Variants in EPHA5 observed in about 807,000 individuals in gnomAD.
EPHA5 encodes the protein EPH receptor A5.
Under a neutral mutation model 105.0 loss-of-function variants are expected in EPHA5, and 60 were observed. The ratio of observed to expected loss-of-function variants is 0.57; its 90% CI spans 0.46 to 0.71. The LOEUF is 0.71. Among genes scored for constraint, EPHA5 ranks in the 30% least tolerant of loss-of-function variants. EPHA5 has a pLI of 0.00. For synonymous variants in EPHA5, 513 were observed against 449.1 expected, an observed-to-expected ratio of 1.14 and a Z score of -1.80; for missense variants, 1,218 against 1,274.7, an observed-to-expected ratio of 0.96 and a Z score of 0.68.
intron 5 of EPHA5, among the ~76,000 whole-genome samples, chr4:65,485,302 AC>A (rs1328135896): frequency 6.6e-6 from 1 of 151,876 alleles, no homozygotes; most frequent in Non-Finnish European, 1.5e-5. Flanking sequence ...CTATTTCTTT[AC>A]ATTATGTAAC....
chr4:65,554,321 T>A (rs1738198330), intron 3 of EPHA5, among the ~76,000 whole-genome samples: 2 of 150,370 alleles, frequency 1.3e-5, no homozygotes, highest in African/African-American at 4.9e-5. Flanking sequence ...ATTAATTACA[T>A]GGGGCTTTAT....
chr4:65,497,709 C>A (rs1230813219), intron 3 of EPHA5, among the ~76,000 whole-genome samples: 1 of 151,944 alleles, frequency 6.6e-6, no homozygotes, highest in East Asian at 1.9e-4. Context: ...TTAATGAATG[C>A]CTCTTAACTT....
At chr4:65,508,823 T>TA (rs925227727) in intron 3 of EPHA5, among the ~76,000 whole-genome samples, 17 of 151,886 alleles carry the variant, frequency 1.1e-4, no homozygotes, top group Admixed American at 2.6e-4. Flanking sequence ...AAAGAAGTGT[T>TA]AAAAAAAACT....
chr4:65,658,381 A>T (rs1749253708), intron 1 of EPHA5, among the ~76,000 whole-genome samples: 1 of 152,040 alleles, frequency 6.6e-6, no homozygotes, highest in Admixed American at 6.6e-5. Context: ...CTGGAGGACT[A>T]TTGAAAGGTT....
chr4:65,428,854 G>T (rs528343793), intron 5 of EPHA5, among the ~76,000 whole-genome samples: 1 of 152,004 alleles, frequency 6.6e-6, no homozygotes, highest in African/African-American at 2.4e-5. Context: ...AACTTGAAAA[G>T]AAAATGACAA....
At chr4:65,574,275 C>A (rs963787040) in intron 3 of EPHA5, 1 of 1,586,276 alleles carries the variant, frequency 6.3e-7, no homozygotes. Flanking sequence ...GGGCTAGTTG[C>A]GATCTGTGTT....
rs948907656 is a variant in EPHA5 at position 65,343,460 on chromosome 4, C to G, written c.2595+4594G>C. On this transcript the variant is annotated intron_variant, in intron 14 of 16. Transcript: ENST00000613740. ...TAGATTATCCTGCATGCCTTGGTAA[C>G]GTAACATTTTCATGGTGGCAAAGCC... is the stretch of plus-strand genomic sequence containing the variant. Among the ~76,000 whole-genome samples, 2 of 152,208 alleles carry G rather than the reference C, an allele frequency of 1.3e-5. 1 individual carries two copies. Among genetic ancestry groups the G allele is most frequent in the Middle Eastern group, 6.8e-3 (2 of 294 alleles).
chr4:65,568,747 G>T (rs982456424), intron 3 of EPHA5, among the ~76,000 whole-genome samples: 1 of 150,756 alleles, frequency 6.6e-6, no homozygotes, highest in African/African-American at 2.4e-5. Flanking sequence ...AACCATAACT[G>T]ATAAAGTGAC....
Position 65,437,333 on chromosome 4 carries a change from T to C in EPHA5, c.1403-16768A>G, listed in dbSNP as rs536355388. Among the ~76,000 whole-genome samples, 20 of 152,092 alleles carry C rather than the reference T, an allele frequency of 1.3e-4. No homozygotes were observed. In the South Asian group the frequency reaches 3.9e-3, roughly 30 times the overall value. ...ATTTCTTATTGTACTTAGTGGCTAT[T>C]GTTCTTGCAAGTGCTGGGAAAACTT... On this transcript the variant is annotated intron_variant, in intron 5 of 16. Transcript: ENST00000613740.
intron 8 of EPHA5, among the ~76,000 whole-genome samples, chr4:65,383,990 T>G (rs529434804): frequency 1.3e-4 from 20 of 152,028 alleles, no homozygotes; most frequent in African/African-American, 4.8e-4. Flanking sequence ...ATGTGTATGA[T>G]GTGCATGTAA....
intron 14 of EPHA5, among the ~76,000 whole-genome samples, chr4:65,337,540 A>AC: frequency 6.6e-6 from 1 of 152,262 alleles, no homozygotes; most frequent in South Asian, 2.1e-4. Context: ...AAAGAAGATT[A>AC]AACGGTACTT....
chr4:65,600,253 G>A (rs1030280212), intron 3 of EPHA5, among the ~76,000 whole-genome samples: 1 of 152,006 alleles, frequency 6.6e-6, no homozygotes, highest in Non-Finnish European at 1.5e-5. Context: ...TTTAATTCCA[G>A]TCCTGAAGAA....
chr4:65,439,929 G>C (rs1725853830), intron 5 of EPHA5, among the ~76,000 whole-genome samples: 1 of 152,054 alleles, frequency 6.6e-6, no homozygotes, highest in Non-Finnish European at 1.5e-5. Context: ...TGTCATGTTT[G>C]TAGCTATCAT....
intron 2 of EPHA5, among the ~76,000 whole-genome samples, chr4:65,640,120 C>A (rs983825382): frequency 1.3e-5 from 2 of 152,154 alleles, no homozygotes; most frequent in Admixed American, 6.5e-5. Flanking sequence ...GCAAACCTGG[C>A]ATATTAAATA....
At chr4:65,429,547 C>G (rs1342509889) in intron 5 of EPHA5, among the ~76,000 whole-genome samples, 1 of 151,948 alleles carries the variant, frequency 6.6e-6, no homozygotes, top group African/African-American at 2.4e-5. Flanking sequence ...CCAATCTGAT[C>G]AAGCATTTTT....
At chr4:65,558,478 G>C (rs1469952194) in intron 3 of EPHA5, among the ~76,000 whole-genome samples, 1 of 152,104 alleles carries the variant, frequency 6.6e-6, no homozygotes, top group Non-Finnish European at 1.5e-5. Flanking sequence ...GTGTGCATGT[G>C]TATGTGTGTA....
At chr4:65,595,534 C>A (rs558239997) in intron 3 of EPHA5, among the ~76,000 whole-genome samples, 61 of 151,938 alleles carry the variant, frequency 4.0e-4, no homozygotes, top group African/African-American at 1.4e-3. Flanking sequence ...AATTTTATAA[C>A]CTGTAGCTAC....
intron 5 of EPHA5, among the ~76,000 whole-genome samples, chr4:65,464,138 C>T (rs187649423): frequency 6.6e-6 from 1 of 151,600 alleles, no homozygotes; most frequent in Non-Finnish European, 1.5e-5. Flanking sequence ...TAAAAAGAAA[C>T]TCCAAGCATG....
At chr4:65,655,562 T>G (rs1357475088) in intron 1 of EPHA5, among the ~76,000 whole-genome samples, 1 of 152,140 alleles carries the variant, frequency 6.6e-6, no homozygotes, top group Non-Finnish European at 1.5e-5. Flanking sequence ...AATCTTTATA[T>G]TGATATAATT....
Sources: allele counts gnomAD v4.1 joint callset (sites outside exome capture counted in the v4.1 genomes callset), GRCh38; gene constraint gnomAD v4.1.1; transcripts MANE v1.5; gene names NCBI Gene and HGNC (gene_info 2026-07-23, HGNC 2026-07-21).